Variants in GIGYF2 observed in about 807,000 individuals in gnomAD.
GIGYF2 encodes GRB10 interacting GYF protein 2, also known as GRB10-interacting GYF protein 2.
Under a neutral mutation model 208.1 loss-of-function variants are expected in GIGYF2, and 25 were observed. The observed-to-expected ratio is 0.12, with a 90% CI of 0.09 to 0.17. GIGYF2 has a LOEUF of 0.17. Among genes scored for constraint, GIGYF2 ranks in the 10% least tolerant of loss-of-function variants. The probability of loss-of-function intolerance (pLI) is 1.00; values close to 1 mark genes in which losing one functional copy is unlikely to be tolerated. For synonymous variants in GIGYF2, 534 were observed against 543.8 expected (o/e 0.98, Z 0.25); for missense variants, 1,302 against 1,579.4 (o/e 0.82, Z 2.98).
At chr2:232,715,622 G>A (rs1328425869) in intron 2 of GIGYF2, among the ~76,000 whole-genome samples, 1 of 151,762 alleles carries the variant, frequency 6.6e-6, no homozygotes, top group Non-Finnish European at 1.5e-5. Flanking sequence ...TAGGTAAAAT[G>A]TTTAGTAATA....
chr2:232,796,868 A>G (rs923784219), intron 14 of GIGYF2, among the ~76,000 whole-genome samples: 14 of 152,168 alleles, frequency 9.2e-5, no homozygotes, highest in African/African-American at 3.4e-4. Context: ...TAAAAAAAAA[A>G]TTGAATACAA....
At chr2:232,784,470 A>T (rs1246352253) in intron 8 of GIGYF2, among the ~76,000 whole-genome samples, 1 of 135,392 alleles carries the variant, frequency 7.4e-6, no homozygotes, top group Non-Finnish European at 1.5e-5. Context: ...GCTCACTGCA[A>T]GCTCCACCTC....
intron 2 of GIGYF2, among the ~76,000 whole-genome samples, chr2:232,712,408 A>G (rs931854825): frequency 6.6e-6 from 1 of 152,244 alleles, no homozygotes; most frequent in African/African-American, 2.4e-5. Context: ...TACAATTAAT[A>G]GTTTTTATTC....
intron 2 of GIGYF2, among the ~76,000 whole-genome samples, chr2:232,706,153 T>C (rs1696100745): frequency 1.3e-5 from 2 of 152,268 alleles, no homozygotes; most frequent in Admixed American, 6.5e-5. Flanking sequence ...ATGAGTGATA[T>C]GTCTAATGAC....
intron 2 of GIGYF2, among the ~76,000 whole-genome samples, chr2:232,712,736 T>G (rs969500200): frequency 1.3e-5 from 2 of 152,246 alleles, no homozygotes; most frequent in Non-Finnish European, 2.9e-5. Context: ...GTCCATAGAT[T>G]GTACTTTGTA....
At position 232,839,864 on chromosome 2, in the gene GIGYF2, A is replaced by T. The variant is rs772219304; in HGVS notation, c.2782A>T (p.Thr928Ser). 1 of 1,614,086 alleles carries T rather than the reference A, an allele frequency of 6.2e-7. No homozygotes were observed. The highest frequency in any genetic ancestry group is 8.5e-7 in the Non-Finnish European group (1 of 1,179,950). ...LAQMKLPSSSTWGQQSNTTAC... is the reference protein window; with the variant it reads ...LAQMKLPSSSSWGQQSNTTAC... ...TTTTTGTTAGCTTCCTTCTTCTTCA[A>T]CGTGGGGCCAGCAGTCCAATACAAC... The change falls in exon 23 of 29, where the codon ACG (threonine) becomes TCG (serine). Residue 928 changes from threonine (T) to serine (S), a missense_variant. Thr to Ser is a moderately conservative substitution (Grantham distance 58). Transcript: ENST00000373563.
At chr2:232,753,287 C>T (rs1441763691) in intron 5 of GIGYF2, among the ~76,000 whole-genome samples, 1 of 151,938 alleles carries the variant, frequency 6.6e-6, no homozygotes, top group East Asian at 1.9e-4. Flanking sequence ...CCACGCCTGG[C>T]TAATTTTTGT....
intron 21 of GIGYF2, among the ~76,000 whole-genome samples, chr2:232,832,062 G>A (rs1183832118): frequency 6.6e-6 from 1 of 152,218 alleles, no homozygotes; most frequent in Non-Finnish European, 1.5e-5. Context: ...TGGACTAGAA[G>A]CAAATAGATA....
intron 22 of GIGYF2, among the ~76,000 whole-genome samples, chr2:232,838,601 C>T (rs1701722881): frequency 6.6e-6 from 1 of 152,206 alleles, no homozygotes; most frequent in Non-Finnish European, 1.5e-5. Flanking sequence ...GCCTTCCCTT[C>T]TGATCTTCTG....
intron 12 of GIGYF2, among the ~76,000 whole-genome samples, chr2:232,793,766 C>T (rs542487048): frequency 5.3e-5 from 8 of 152,142 alleles, no homozygotes; most frequent in South Asian, 2.1e-4. Flanking sequence ...GAGAAAAATC[C>T]TCAGAGGTAA....
chr2:232,709,792 G>C (rs1696296760), intron 2 of GIGYF2, among the ~76,000 whole-genome samples: 3 of 151,900 alleles, frequency 2.0e-5, no homozygotes, highest in Admixed American at 1.3e-4. Flanking sequence ...CTGGGCAACA[G>C]AGCAAGACTC....
chr2:232,750,765 T>TTG (rs1354872435), intron 5 of GIGYF2, among the ~76,000 whole-genome samples: 2 of 141,258 alleles, frequency 1.4e-5, no homozygotes, highest in Admixed American at 7.1e-5. Context: ...GTGTGTATGT[T>TTG]TGTGTGTGTG....
rs947896146 is a variant in GIGYF2, at chr2:232,712,092, C to G, written c.-44+8603C>G. Among the ~76,000 whole-genome samples the G allele has an allele frequency of 3.9e-5, 6 of 152,006 alleles. No homozygotes were observed. In the South Asian group the frequency reaches 8.3e-4, roughly 21 times the overall value. On this transcript the variant is annotated intron_variant, in intron 2 of 28. Transcript: ENST00000373563. ...TGACGAATAGAAACTTTCCAAAATT[C>G]CAATTTTTGCTTGAAAGGTCAAATT...
intron 20 of GIGYF2, among the ~76,000 whole-genome samples, chr2:232,817,638 TATTTGTC>T (rs1390209533): frequency 7.2e-5 from 11 of 152,214 alleles, no homozygotes; most frequent in Non-Finnish European, 7.3e-5. Flanking sequence ...AATTATACAG[TATTTGTC>T]TTTTTGTGTT....
At chr2:232,836,422 C>T (rs1240839123) in intron 22 of GIGYF2, among the ~76,000 whole-genome samples, 2 of 63,110 alleles carry the variant, frequency 3.2e-5, no homozygotes, top group Non-Finnish European at 6.1e-5. Context: ...ATAAATTATT[C>T]AGGCGTGGTG....
chr2:232,768,929 T>C (rs925597669), intron 8 of GIGYF2: 6 of 880,284 alleles, frequency 6.8e-6, no homozygotes, highest in Admixed American at 5.3e-5. Context: ...TGCCTTTCAG[T>C]GAGTCAGGAA....
intron 3 of GIGYF2, among the ~76,000 whole-genome samples, chr2:232,743,177 G>A (rs548512028): frequency 6.6e-6 from 1 of 152,260 alleles, no homozygotes; most frequent in South Asian, 2.1e-4. Flanking sequence ...GATGAACAGT[G>A]CAGGAGCTAG....
At chr2:232,830,695 G>T (rs909985771) in intron 21 of GIGYF2, among the ~76,000 whole-genome samples, 1 of 151,856 alleles carries the variant, frequency 6.6e-6, no homozygotes, top group Admixed American at 6.6e-5. Context: ...TCAGAATATC[G>T]TATTAGCTGG....
At position 232,750,181 on chromosome 2, in the gene GIGYF2, TAAAA is replaced by T. The variant is rs879926319; in HGVS notation, c.267+1108_267+1111del. ...GCCTGGGCAAAGAGTGAGACTCCATTAAAAAAAAAAAAGAAACAAAATGTTGGCA... is the reference window on the plus strand; with the variant it reads ...GCCTGGGCAAAGAGTGAGACTCCATTAAAAAAAAGAAACAAAATGTTGGCA... On this transcript the variant is annotated intron_variant, in intron 5 of 28. Transcript: ENST00000373563. Among the ~76,000 whole-genome samples, 2 of 143,142 alleles carry T rather than the reference TAAAA, an allele frequency of 1.4e-5. 1 individual carries two copies. Among genetic ancestry groups the T allele is most frequent in the African/African-American group, 5.1e-5 (2 of 39,022 alleles). 93.9% of individuals were successfully genotyped at this position (143,142 alleles called of 152,430 possible).
Sources: allele counts gnomAD v4.1 joint callset (sites outside exome capture counted in the v4.1 genomes callset), GRCh38; gene constraint gnomAD v4.1.1; transcripts MANE v1.5; gene names NCBI Gene and HGNC (gene_info 2026-07-23, HGNC 2026-07-21).